The following SUSD1 variants were observed in gnomAD, a reference collection of about 807,000 sequenced individuals.
The protein encoded by SUSD1 is sushi domain containing 1, also known as sushi domain-containing protein 1.
A neutral mutation model predicts 86.9 loss-of-function variants in SUSD1; 65 were observed. The ratio of observed to expected loss-of-function variants is 0.75; its 90% CI spans 0.61 to 0.92. The LOEUF (loss-of-function observed/expected upper bound fraction) is 0.92, where lower values mean the gene tolerates loss of function less well. SUSD1 is among the 40% of genes least tolerant of loss of function. The probability of loss-of-function intolerance (pLI) is 0.00; values close to 1 mark genes in which losing one functional copy is unlikely to be tolerated. For missense variants in SUSD1, 850 were observed against 929.7 expected, an observed-to-expected ratio of 0.91 and a Z score of 1.11; for synonymous variants, 346 against 350.0, an observed-to-expected ratio of 0.99 and a Z score of 0.13.
rs1831677401 is a variant in SUSD1, at chr9:112,124,338, C to T, written c.805G>A (p.Gly269Ser). ...ATCTTTCCTCCAGGGCTCTCAAAGC[C>T]CTCTTGACAGACATAGCGAGCCACA... ...GGVARYVCQEGFESPGGKITS... is the reference protein window; with the variant it reads ...GGVARYVCQESFESPGGKITS... Residue 269 changes from glycine to serine, a missense_variant, in exon 6 of 17, where the codon GGC (glycine) becomes AGC (serine). By Grantham distance (56) the Gly-to-Ser change is moderately conservative (BLOSUM62 0). Transcript: ENST00000374270. 1 of 1,614,144 alleles carries T rather than the reference C, an allele frequency of 6.2e-7. No individual in the cohort carries two copies. Among genetic ancestry groups the T allele is most frequent in the African/African-American group, 1.3e-5 (1 of 75,036 alleles).
At chr9:112,086,107 C>A (rs1222789063) in intron 10 of SUSD1, among the ~76,000 whole-genome samples, 1 of 151,074 alleles carries the variant, frequency 6.6e-6, no homozygotes, top group Non-Finnish European at 1.5e-5. Flanking sequence ...AGTTTCAGAC[C>A]AGCCTTGGCA....
intron 2 of SUSD1, among the ~76,000 whole-genome samples, chr9:112,150,369 A>G (rs866273518): frequency 1.4e-4 from 21 of 152,166 alleles, no homozygotes; most frequent in African/African-American, 4.6e-4. Context: ...AAAATCATCA[A>G]CTTATGAATT....
chr9:112,145,871 C>A (rs1385086401), intron 3 of SUSD1: 2 of 152,112 alleles, frequency 1.3e-5, no homozygotes, highest in Non-Finnish European at 1.5e-5. Context: ...GGGGGCAGTT[C>A]TAAGGGCCAG....
In SUSD1 at chr9:112,062,930, T is replaced by C; in HGVS notation, c.1850+7A>G. On this transcript the variant is annotated splice_region_variant and intron_variant, in intron 13 of 16. Transcript: ENST00000374270. ...TGGGCAACCGTGGAGAAAGGACAGC[T>C]ACTGACCTGATTGGTCCATTTTTCT... The C allele has an allele frequency of 6.3e-7, 1 of 1,588,592 alleles. No homozygotes were observed. Among genetic ancestry groups the C allele is most frequent in the Non-Finnish European group, 8.6e-7 (1 of 1,158,574 alleles).
chr9:112,090,650 TACG>T (rs1389812533), intron 10 of SUSD1, among the ~76,000 whole-genome samples: 4 of 152,070 alleles, frequency 2.6e-5, no homozygotes, highest in African/African-American at 9.7e-5. Flanking sequence ...TAACGCCACA[TACG>T]ACAATACACA....
Position 112,114,235 on chromosome 9 carries a change from C to T in SUSD1, c.887-1367G>A, listed in dbSNP as rs369825891. ...CAATAGCTCACGCCTGTAATCACAG[C>T]ACTTTGGGAGGCCAAGGCAGGTTGG... On this transcript the variant is annotated intron_variant, in intron 6 of 16. Transcript: ENST00000374270. 1.2e-3 allele frequency among the ~76,000 whole-genome samples: 180 copies of T among 152,320 alleles called. 4 individuals carry two copies. The South Asian group carries it at 0.036, about 30-fold the overall frequency.
intron 8 of SUSD1, among the ~76,000 whole-genome samples, chr9:112,108,879 T>C (rs1305771471): frequency 7.5e-6 from 1 of 132,612 alleles, no homozygotes; most frequent in East Asian, 2.2e-4. Flanking sequence ...AATTAGTGAG[T>C]TAGAAAAAGA....
chr9:112,138,238 TATATATATATATATATATGTGTATATAC>T (rs1309478282), intron 5 of SUSD1, among the ~76,000 whole-genome samples: 4 of 37,006 alleles, frequency 1.1e-4, no homozygotes, highest in African/African-American at 3.1e-4. Context: ...AAAAAATGTG[TATATATATATATATATATGTGTATATAC>T]ATATATATAT....
chr9:112,147,614 C>A lies in SUSD1; in HGVS notation c.373+1630G>T, dbSNP rs138174408. Among the ~76,000 whole-genome samples the A allele has an allele frequency of 4.9e-3, 738 of 152,098 alleles. 5 individuals are homozygous for A. Among genetic ancestry groups the A allele is most frequent in the African/African-American group, 0.017 (698 of 41,484 alleles). Reference sequence around the variant, plus strand: ...TGAAACCCCGTCTCTCCTAAAAGTACAAAAATTAGCCAGTCGTGGCAGTGC... The same window carrying A: ...TGAAACCCCGTCTCTCCTAAAAGTAAAAAAATTAGCCAGTCGTGGCAGTGC... On this transcript the variant is annotated intron_variant, in intron 3 of 16. Coordinates refer to ENST00000374270, the MANE Select transcript of SUSD1 (RefSeq NM_022486.5).
chr9:112,061,357 T>C (rs1828717302), intron 13 of SUSD1, among the ~76,000 whole-genome samples: 1 of 152,192 alleles, frequency 6.6e-6, no homozygotes, highest in African/African-American at 2.4e-5. Flanking sequence ...TAATTAGCCA[T>C]GTGATGTTAA....
In SUSD1 at chr9:112,098,506, G is replaced by A. The variant is rs199512545; in HGVS notation, c.1438C>T (p.His480Tyr). 9.0e-5 allele frequency: 146 copies of A among 1,614,034 alleles called. No individual in the cohort carries two copies. The Admixed American group carries it at 2.4e-3, about 26-fold the overall frequency. ...GTTGCTATTGTTATTTGCACTGAGTGCCGCTTAGGAGATCTCAGCAGGGTC... is the reference window on the plus strand; with the variant it reads ...GTTGCTATTGTTATTTGCACTGAGTACCGCTTAGGAGATCTCAGCAGGGTC... Reference protein sequence around the residue: ...NVTLLRSPKRHSVQITIATPP... With the variant: ...NVTLLRSPKRYSVQITIATPP... The change falls in exon 10 of 17, where the codon CAC (histidine) becomes TAC (tyrosine). Residue 480 changes from histidine (H) to tyrosine (Y), a missense_variant. Transcript: ENST00000374270.
intron 14 of SUSD1, among the ~76,000 whole-genome samples, chr9:112,053,540 C>T (rs1180839004): frequency 8.2e-6 from 1 of 121,336 alleles, no homozygotes; most frequent in Admixed American, 8.0e-5. Flanking sequence ...AAAAAAAAAT[C>T]TGAGAAAAGC....
intron 6 of SUSD1, among the ~76,000 whole-genome samples, chr9:112,119,662 A>G (rs1831471507): frequency 6.6e-6 from 1 of 152,252 alleles, no homozygotes; most frequent in Non-Finnish European, 1.5e-5. Flanking sequence ...AGAATGAATC[A>G]GTCTCTTTGA....
intron 1 of SUSD1, among the ~76,000 whole-genome samples, chr9:112,167,200 G>A (rs573769035): frequency 6.5e-4 from 99 of 152,104 alleles, no homozygotes; most frequent in Non-Finnish European, 1.3e-3. Context: ...AGGCTCAGGC[G>A]AGTCTCCCAC....
At chr9:112,102,118 T>G (rs567485763) in intron 9 of SUSD1, 58 bp downstream of exon 9, 2 of 940,976 alleles carry the variant, frequency 2.1e-6, no homozygotes, top group East Asian at 2.7e-5. Context: ...TACTTGGAGA[T>G]CGCCCAAATT....
intron 12 of SUSD1, among the ~76,000 whole-genome samples, chr9:112,066,574 A>G (rs1231260310): frequency 1.3e-5 from 2 of 152,198 alleles, no homozygotes; most frequent in Admixed American, 6.5e-5. Context: ...GGAAGAGACC[A>G]TGGAAAGCTG....
chr9:112,043,894 G>A (rs1431121120), intron 15 of SUSD1, among the ~76,000 whole-genome samples: 3 of 152,040 alleles, frequency 2.0e-5, no homozygotes, highest in African/African-American at 4.8e-5. Flanking sequence ...TCCACCTCCC[G>A]GATTCAAGCG....
intron 3 of SUSD1, chr9:112,146,213 C>A (rs1357777772): frequency 6.6e-6 from 1 of 152,128 alleles, no homozygotes; most frequent in Non-Finnish European, 1.5e-5. Flanking sequence ...AATTCATCAG[C>A]TTTTACAAAG....
At chr9:112,095,035 C>A (rs1830339761) in intron 10 of SUSD1, among the ~76,000 whole-genome samples, 1 of 152,174 alleles carries the variant, frequency 6.6e-6, no homozygotes, top group Non-Finnish European at 1.5e-5. Flanking sequence ...TGATAAAGCC[C>A]AGGCCTGGGT....
Sources: gnomAD v4.1 joint callset for allele counts (sites outside exome capture counted in the v4.1 genomes callset) on GRCh38, gnomAD v4.1.1 for gene constraint, MANE v1.5 for transcripts, NCBI Gene and HGNC (gene_info 2026-07-23, HGNC 2026-07-21) for gene names.